RIC8B: variants seen among roughly 807,000 people sequenced by gnomAD.
RIC8B encodes the protein RIC8 guanine nucleotide exchange factor B.
A neutral mutation model predicts 57.5 loss-of-function variants in RIC8B; 16 were observed. The ratio of observed to expected loss-of-function variants is 0.28; its 90% CI spans 0.19 to 0.42. RIC8B has a LOEUF of 0.42. Ranked by LOEUF, RIC8B falls within the 10% of genes least tolerant of loss-of-function variation. The pLI, the probability that RIC8B is intolerant of heterozygous loss-of-function variation, is 1.00. For synonymous variants in RIC8B, 216 were observed against 250.8 expected, an observed-to-expected ratio of 0.86 and a Z score of 1.31; for missense variants, 481 against 677.0, an observed-to-expected ratio of 0.71 and a Z score of 3.21.
At chr12:106,791,545 G>T (rs116316303) in intron 2 of RIC8B, among the ~76,000 whole-genome samples, 1 of 152,178 alleles carries the variant, frequency 6.6e-6, no homozygotes, top group Non-Finnish European at 1.5e-5. Context: ...AGTTTATGGA[G>T]TGAAATATAT....
chr12:106,885,858 T>TG, intron 9 of RIC8B, 46 bp from the exon 10 acceptor site: 1 of 1,262,334 alleles, frequency 7.9e-7, no homozygotes, highest in Non-Finnish European at 1.2e-6. Context: ...GTGTGTGTGA[T>TG]GCTGGTGAAT....
At chr12:106,874,614 T>G in intron 9 of RIC8B, 5 of 1,323,334 alleles carry the variant, frequency 3.8e-6, no homozygotes, top group Non-Finnish European at 5.3e-6. Context: ...AGGGTATAGA[T>G]GTTATTCACT....
intron 2 of RIC8B, among the ~76,000 whole-genome samples, chr12:106,802,934 G>A (rs2044803248): frequency 6.6e-6 from 1 of 152,004 alleles, no homozygotes; most frequent in Admixed American, 6.6e-5. Context: ...ACAGGGCTGG[G>A]CACAGTGGCT....
chr12:106,886,124 CA>C lies in RIC8B; in HGVS notation c.*110del. ...TATGCCCTTGCTTTGGCTAGAAACACATTAACTGGTTTACTCATTGAGAATC... is the reference window on the plus strand; with the variant it reads ...TATGCCCTTGCTTTGGCTAGAAACACTTAACTGGTTTACTCATTGAGAATC... On this transcript the variant is annotated 3_prime_UTR_variant, in exon 10 of 10. Transcript: ENST00000392837. 1.3e-6 allele frequency: 1 copy of C among 759,796 alleles called. No homozygotes were observed. Among genetic ancestry groups the C allele is most frequent in the Non-Finnish European group, 2.2e-6 (1 of 451,788 alleles). The allele number at this position is 759,796 out of a possible 1,614,324, so 47.1% of individuals were successfully genotyped here.
chr12:106,792,054 C>A lies in RIC8B; in HGVS notation c.132+8010C>A, dbSNP rs1007719750. ...TGAGGGAATGTTTTGTTACATAGTG[C>A]AAGTACAGTTCTCACTTAGAAACCA... On this transcript the variant is annotated intron_variant, in intron 2 of 9. Coordinates refer to ENST00000392837, the MANE Select transcript of RIC8B (RefSeq NM_001330145.2). 2.2e-4 allele frequency among the ~76,000 whole-genome samples: 33 copies of A among 152,136 alleles called. 1 individual carries two copies. The highest frequency in any genetic ancestry group is 1.6e-3 in the Admixed American group (25 of 15,270).
intron 8 of RIC8B, among the ~76,000 whole-genome samples, chr12:106,863,373 CAG>C (rs542359335): frequency 8.1e-4 from 124 of 152,172 alleles, no homozygotes; most frequent in Middle Eastern, 3.4e-3. Context: ...CTAATAAACT[CAG>C]GGGTGTTTCC....
Position 106,815,166 on chromosome 12 carries a change from C to T in RIC8B, c.603C>T (p.Ser201=). The T allele has an allele frequency of 6.2e-7, 1 of 1,614,234 alleles. No homozygotes were observed. Among genetic ancestry groups the T allele is most frequent in the Non-Finnish European group, 8.5e-7 (1 of 1,180,050 alleles). Residue 201 remains serine, a synonymous_variant, in exon 3 of 10, where the codon AGC becomes AGT. Coordinates refer to ENST00000392837, the MANE Select transcript of RIC8B (RefSeq NM_001330145.2). ...LLTQILESAF[S]IKWTDEYESA... ...CGCAGATCTTGGAAAGTGCCTTTAGCATCAAGTGGACCGATGAGTATGAAT... is the reference window on the plus strand; with the variant it reads ...CGCAGATCTTGGAAAGTGCCTTTAGTATCAAGTGGACCGATGAGTATGAAT...
At chr12:106,823,989 A>G (rs2045976360) in intron 3 of RIC8B, among the ~76,000 whole-genome samples, 1 of 152,156 alleles carries the variant, frequency 6.6e-6, no homozygotes, top group South Asian at 2.1e-4. Flanking sequence ...CCCGACTCGT[A>G]TGAGAGAATT....
At chr12:106,875,217 T>C (rs974618358) in intron 9 of RIC8B, among the ~76,000 whole-genome samples, 3 of 152,150 alleles carry the variant, frequency 2.0e-5, no homozygotes. Context: ...CTGTAATATT[T>C]ATCAAATATA....
At chr12:106,841,311 T>C (rs1948933285) in intron 4 of RIC8B, among the ~76,000 whole-genome samples, 1 of 152,216 alleles carries the variant, frequency 6.6e-6, no homozygotes, top group Non-Finnish European at 1.5e-5. Flanking sequence ...CATTACCACT[T>C]TCTGTTCTGC....
At chr12:106,824,792 A>G (rs1343735590) in intron 3 of RIC8B, among the ~76,000 whole-genome samples, 1 of 152,038 alleles carries the variant, frequency 6.6e-6, no homozygotes, top group Non-Finnish European at 1.5e-5. Flanking sequence ...CTGTAATCCC[A>G]TCTACTCGGG....
rs145972430 is a variant in RIC8B at position 106,810,089 on chromosome 12, T to C, written c.133-4607T>C. On this transcript the variant is annotated intron_variant, in intron 2 of 9. Transcript: ENST00000392837. ...AAATAAAACATAATAGTAGTCACCATTAAAGAGTGCTTATTATGTCCCAGC... is the reference window on the plus strand; with the variant it reads ...AAATAAAACATAATAGTAGTCACCACTAAAGAGTGCTTATTATGTCCCAGC... 2.4e-3 allele frequency among the ~76,000 whole-genome samples: 360 copies of C among 150,886 alleles called. 1 individual carries two copies. The highest frequency in any genetic ancestry group is 7.9e-3 in the African/African-American group (327 of 41,354).
chr12:106,792,956 G>T (rs902498802), intron 2 of RIC8B, among the ~76,000 whole-genome samples: 15 of 152,206 alleles, frequency 9.9e-5, no homozygotes, highest in African/African-American at 3.6e-4. Flanking sequence ...CAGTTGGAGT[G>T]CTGTCTTCAC....
At chr12:106,844,317 G>A (rs1191022617) in intron 6 of RIC8B, among the ~76,000 whole-genome samples, 1 of 152,194 alleles carries the variant, frequency 6.6e-6, no homozygotes, top group African/African-American at 2.4e-5. Flanking sequence ...AGGGAACAAG[G>A]GAGGACCTCT....
At chr12:106,843,800 G>T in intron 5 of RIC8B, 52 bp from the exon 6 acceptor site, 1 of 1,300,428 alleles carries the variant, frequency 7.7e-7, no homozygotes. Context: ...AAGTAATACT[G>T]TTAGAAACAA....
chr12:106,821,806 C>T (rs1487168137), intron 3 of RIC8B, among the ~76,000 whole-genome samples: 2 of 151,782 alleles, frequency 1.3e-5, no homozygotes, highest in Admixed American at 6.6e-5. Context: ...CGTTCAGGTG[C>T]GGTGGCTCAC....
intron 2 of RIC8B, among the ~76,000 whole-genome samples, chr12:106,809,528 A>G (rs1320532815): frequency 1.5e-5 from 1 of 67,362 alleles, no homozygotes; most frequent in Non-Finnish European, 3.4e-5. Flanking sequence ...GTCTCAAAAA[A>G]AAAAAAAAAA....
chr12:106,819,588 CA>C (rs1256386586), intron 3 of RIC8B, among the ~76,000 whole-genome samples: 1 of 151,304 alleles, frequency 6.6e-6, no homozygotes, highest in Non-Finnish European at 1.5e-5. Context: ...CTGATCTCTA[CA>C]AAAAATAAAA....
intron 3 of RIC8B, among the ~76,000 whole-genome samples, chr12:106,820,239 A>C (rs536461193): frequency 6.6e-6 from 1 of 152,188 alleles, no homozygotes; most frequent in Non-Finnish European, 1.5e-5. Context: ...AAATTAGTGC[A>C]ATTTGTTCAT....
Sources: allele counts gnomAD v4.1 joint callset (sites outside exome capture counted in the v4.1 genomes callset), GRCh38; gene constraint gnomAD v4.1.1; transcripts MANE v1.5; gene names NCBI Gene and HGNC (gene_info 2026-07-23, HGNC 2026-07-21).